The following SRSF4 variants were observed in gnomAD, a reference collection of about 807,000 sequenced individuals.
SRSF4 encodes serine/arginine-rich splicing factor 4.
A neutral mutation model predicts 48.8 loss-of-function variants in SRSF4; 12 were observed. The ratio of observed to expected loss-of-function variants is 0.25; its 90% confidence interval spans 0.16 to 0.40. The LOEUF (loss-of-function observed/expected upper bound fraction) is 0.40. Ranked by LOEUF, SRSF4 falls within the 10% of genes least tolerant of loss-of-function variation. The pLI is 1.00. For synonymous variants in SRSF4, 248 were observed against 232.5 expected (o/e 1.07, Z -0.61); for missense variants, 466 against 667.1 (o/e 0.70, Z 3.32).
intron 1 of SRSF4, among the ~76,000 whole-genome samples, chr1:29,178,040 CA>C (rs1055687832): frequency 2.0e-5 from 3 of 151,610 alleles, no homozygotes; most frequent in African/African-American, 7.3e-5. Flanking sequence ...GCTGGGATTA[CA>C]GGTGCCCACC....
chr1:29,157,907 C>A (rs35006582), intron 3 of SRSF4, among the ~76,000 whole-genome samples: 3,778 of 152,276 alleles, frequency 0.025, 70 homozygotes, highest in Middle Eastern at 0.088. Context: ...CAGTGGCTCA[C>A]GCCTGTAATC....
chr1:29,167,822 C>T (rs1424047749), intron 1 of SRSF4, among the ~76,000 whole-genome samples: 1 of 152,090 alleles, frequency 6.6e-6, no homozygotes, highest in African/African-American at 2.4e-5. Flanking sequence ...ATAATTTATC[C>T]ATAATATTTC....
At chr1:29,166,122 C>A (rs542066366) in intron 1 of SRSF4, 9 of 152,134 alleles carry the variant, frequency 5.9e-5, no homozygotes, top group Non-Finnish European at 1.2e-4. Flanking sequence ...GGCTTGAACC[C>A]TCAATCTAGA....
chr1:29,162,694 C>T (rs1484658317), intron 1 of SRSF4, among the ~76,000 whole-genome samples: 1 of 152,220 alleles, frequency 6.6e-6, no homozygotes, highest in East Asian at 1.9e-4. Context: ...CATACTCTGG[C>T]TCGGCACTGT....
At chr1:29,175,061 T>C (rs987469812) in intron 1 of SRSF4, among the ~76,000 whole-genome samples, 5 of 150,604 alleles carry the variant, frequency 3.3e-5, no homozygotes, top group African/African-American at 1.2e-4. Context: ...TGAAAAAAAG[T>C]AAAACTAAAA....
chr1:29,149,056 T>C lies in SRSF4; in HGVS notation c.839A>G (p.Asn280Ser), dbSNP rs759395913. 5 of 1,612,984 alleles carry C rather than the reference T, an allele frequency of 3.1e-6. No homozygotes were observed. The highest frequency in any genetic ancestry group is 3.4e-6 in the Non-Finnish European group (4 of 1,179,840). The change falls in exon 6 of 6, where the codon AAT becomes AGT. Residue 280 changes from asparagine (N) to serine (S), a missense_variant. Asn to Ser is a conservative substitution (Grantham distance 46). Around this residue, in one of 2 missense-constraint regions of SRSF4, gnomAD observed 402 missense variants for 437.0 expected, o/e 0.92. Coordinates refer to ENST00000373795, the MANE Select transcript of SRSF4 (RefSeq NM_005626.5). ...KDQAEEKIQN[N>S]DNVGKPKSRS... ...GCTCTTGGGTTTCCCGACATTGTCA[T>C]TGTTTTGGATCTTCTCTTCAGCTTG... is the stretch of plus-strand genomic sequence containing the variant.
intron 3 of SRSF4, 135 bp downstream of exon 3, chr1:29,159,239 A>C: frequency 1.7e-6 from 1 of 571,550 alleles, no homozygotes; most frequent in South Asian, 2.5e-5. Context: ...TGGCACTTTA[A>C]TTATTTCCAG....
At chr1:29,149,553 C>T (rs542988666) in intron 5 of SRSF4, among the ~76,000 whole-genome samples, 16 of 152,158 alleles carry the variant, frequency 1.1e-4, no homozygotes, top group Non-Finnish European at 1.6e-4. Flanking sequence ...TGCTGGCACA[C>T]GCCTGTAAAC....
chr1:29,149,249 TTG>T (rs1558385815), intron 5 of SRSF4, 23 bp from the exon 6 acceptor site: 1 of 1,599,810 alleles, frequency 6.3e-7, no homozygotes, highest in Non-Finnish European at 8.5e-7. Context: ...GGGATACTGT[TTG>T]TGTCACATGT....
intron 1 of SRSF4, among the ~76,000 whole-genome samples, chr1:29,165,709 G>C: frequency 6.6e-6 from 1 of 152,222 alleles, no homozygotes; most frequent in East Asian, 1.9e-4. Flanking sequence ...AACTGGGCAA[G>C]GCATGACTAA....
At chr1:29,161,582 T>A (rs1392408156) in intron 1 of SRSF4, among the ~76,000 whole-genome samples, 2 of 152,190 alleles carry the variant, frequency 1.3e-5, no homozygotes, top group Non-Finnish European at 2.9e-5. Flanking sequence ...CAAAAAATGA[T>A]TCCAGTTTAC....
At chr1:29,172,888 G>A (rs946972176) in intron 1 of SRSF4, 1 of 152,044 alleles carries the variant, frequency 6.6e-6, no homozygotes, top group Non-Finnish European at 1.5e-5. Context: ...CAATATAAGA[G>A]GAATGGTTGG....
At chr1:29,181,404 C>G (rs1034521755) in intron 1 of SRSF4, among the ~76,000 whole-genome samples, 1 of 152,152 alleles carries the variant, frequency 6.6e-6, no homozygotes, top group African/African-American at 2.4e-5. Flanking sequence ...TCGGGCTTTC[C>G]TTCTCCCCGT....
rs561545807 is a variant in SRSF4 at position 29,152,057 on chromosome 1, C to T, written c.579-1865G>A. The stretch of plus-strand genomic sequence containing the variant: ...CTTTGGGAGGCTGAGGTGGGAGGAC[C>T]GCTTGAACCCAGGAGTTCAAGACCA... On this transcript the variant is annotated intron_variant, in intron 4 of 5. Coordinates refer to ENST00000373795, the MANE Select transcript of SRSF4 (RefSeq NM_005626.5). Among the ~76,000 whole-genome samples, 7 of 152,170 alleles carry T rather than the reference C, an allele frequency of 4.6e-5. No individual in the cohort carries two copies. The East Asian group carries it at 5.8e-4, about 13-fold the overall frequency.
At chr1:29,164,177 A>C (rs1422182131) in intron 1 of SRSF4, among the ~76,000 whole-genome samples, 1 of 152,178 alleles carries the variant, frequency 6.6e-6, no homozygotes, top group African/African-American at 2.4e-5. Context: ...TAAACTCTAA[A>C]ATTTGACATG....
chr1:29,160,191 A>G, intron 2 of SRSF4, 184 bp downstream of exon 2: 1 of 613,066 alleles, frequency 1.6e-6, no homozygotes. Context: ...AATTGTCATT[A>G]GTTTAATTAA....
chr1:29,152,136 T>C (rs996064144), intron 4 of SRSF4, among the ~76,000 whole-genome samples: 4 of 152,046 alleles, frequency 2.6e-5, no homozygotes, highest in African/African-American at 4.8e-5. Context: ...AACTGAAAAA[T>C]TGGAATACAA....
At chr1:29,179,508 T>TTGAC (rs999185968) in intron 1 of SRSF4, among the ~76,000 whole-genome samples, 12 of 151,946 alleles carry the variant, frequency 7.9e-5, no homozygotes, top group African/African-American at 2.9e-4. Flanking sequence ...TATAGGCGAG[T>TTGAC]GTCACCACGC....
intron 1 of SRSF4, among the ~76,000 whole-genome samples, chr1:29,175,342 G>T (rs1467988274): frequency 6.6e-6 from 1 of 151,402 alleles, no homozygotes; most frequent in Non-Finnish European, 1.5e-5. Flanking sequence ...GTACCTGGGA[G>T]GTGAGCCACG....
Sources: gnomAD v4.1 joint callset for allele counts (sites outside exome capture counted in the v4.1 genomes callset) on GRCh38, gnomAD v4.1.1 for gene constraint, gnomAD v4.1.1 regional missense constraint, MANE v1.5 for transcripts, NCBI Gene and HGNC (gene_info 2026-07-23, HGNC 2026-07-21) for gene names.